Variants in SLC24A3 observed in about 807,000 individuals in gnomAD.
The protein encoded by SLC24A3 is sodium/potassium/calcium exchanger 3.
Under a neutral mutation model 75.8 loss-of-function variants are expected in SLC24A3, and 28 were observed. That is an observed-to-expected ratio of 0.37 (90% CI 0.27 to 0.51). The LOEUF is 0.51. SLC24A3 is among the 20% of genes least tolerant of loss of function. The pLI, the probability that SLC24A3 is intolerant of heterozygous loss-of-function variation, is 0.94. For synonymous variants in SLC24A3, 372 were observed against 334.1 expected, an observed-to-expected ratio of 1.11 and a Z score of -1.24; for missense variants, 663 against 847.8, an observed-to-expected ratio of 0.78 and a Z score of 2.71.
intron 6 of SLC24A3, among the ~76,000 whole-genome samples, chr20:19,614,759 A>G (rs746095684): frequency 2.0e-5 from 3 of 152,198 alleles, no homozygotes; most frequent in Non-Finnish European, 4.4e-5. Flanking sequence ...AGCTGCTGTG[A>G]CTTTGCCTCT....
At chr20:19,281,321 C>G (rs1451141491) in intron 2 of SLC24A3, among the ~76,000 whole-genome samples, 1 of 152,186 alleles carries the variant, frequency 6.6e-6, no homozygotes, top group Non-Finnish European at 1.5e-5. Flanking sequence ...AGTGACACTC[C>G]TGATGCGGTA....
chr20:19,666,114 A>G (rs919108508), intron 8 of SLC24A3, among the ~76,000 whole-genome samples: 3 of 152,024 alleles, frequency 2.0e-5, no homozygotes, highest in Non-Finnish European at 4.4e-5. Flanking sequence ...TCTATTTGAG[A>G]TCCTAATATC....
At position 19,312,965 on chromosome 20, in the gene SLC24A3, CA is replaced by C. The variant is rs1177343877; in HGVS notation, c.271+31880del. On this transcript the variant is annotated intron_variant, in intron 2 of 16. Transcript: ENST00000328041. ...ATTTACTTTGTAGCAGTGTCAGGAC[CA>C]ACAAGATGAGGGAAAACAGAAATGT... Among the ~76,000 whole-genome samples, 4 of 150,818 alleles carry C rather than the reference CA, an allele frequency of 2.7e-5. No individual in the cohort carries two copies. In the East Asian group the frequency reaches 7.9e-4, roughly 30 times the overall value.
intron 15 of SLC24A3, 120 bp downstream of exon 15, chr20:19,698,800 G>T (rs1428285885): frequency 6.7e-6 from 5 of 750,330 alleles, no homozygotes; most frequent in Non-Finnish European, 1.1e-5. Context: ...TAATATTGAG[G>T]GGGAAACAAA....
chr20:19,682,163 G>A (rs1212949688), intron 10 of SLC24A3, among the ~76,000 whole-genome samples, 172 bp downstream of exon 10: 2 of 152,218 alleles, frequency 1.3e-5, no homozygotes, highest in Non-Finnish European at 2.9e-5. Context: ...GCCGAGGCAT[G>A]AGAATCGCTT....
At chr20:19,301,960 G>A (rs748971974) in intron 2 of SLC24A3, among the ~76,000 whole-genome samples, 17 of 152,358 alleles carry the variant, frequency 1.1e-4, no homozygotes, top group Admixed American at 3.3e-4. Flanking sequence ...AAGGGACAAA[G>A]TAAAGGAACC....
chr20:19,583,749 A>C (rs1336342255), intron 4 of SLC24A3, among the ~76,000 whole-genome samples: 1 of 152,196 alleles, frequency 6.6e-6, no homozygotes, highest in Non-Finnish European at 1.5e-5. Flanking sequence ...TACCTCACTC[A>C]CAGACTCTTA....
chr20:19,684,726 A>C (rs1275058602), intron 11 of SLC24A3, among the ~76,000 whole-genome samples: 2 of 152,102 alleles, frequency 1.3e-5, no homozygotes, highest in Non-Finnish European at 2.9e-5. Context: ...CCTTTTCTGG[A>C]ATATAGCCTT....
At chr20:19,613,425 A>T (rs946308448) in intron 6 of SLC24A3, among the ~76,000 whole-genome samples, 3 of 152,138 alleles carry the variant, frequency 2.0e-5, no homozygotes, top group African/African-American at 7.2e-5. Flanking sequence ...TTTACAAGGC[A>T]CTTCTATTAT....
At chr20:19,285,907 T>A (rs1983804602) in intron 2 of SLC24A3, among the ~76,000 whole-genome samples, 1 of 152,244 alleles carries the variant, frequency 6.6e-6, no homozygotes, top group African/African-American at 2.4e-5. Flanking sequence ...TTATACACTT[T>A]GCAGTGTGTC....
intron 6 of SLC24A3, among the ~76,000 whole-genome samples, chr20:19,639,400 T>G (rs2032042266): frequency 6.6e-6 from 1 of 151,570 alleles, no homozygotes; most frequent in Non-Finnish European, 1.5e-5. Context: ...AGATACAGAG[T>G]GTCGATTGGT....
At chr20:19,325,787 TATATATATAG>T (rs1568589851) in intron 2 of SLC24A3, among the ~76,000 whole-genome samples, 98 of 95,342 alleles carry the variant, frequency 1.0e-3, no homozygotes, top group Non-Finnish European at 1.7e-3. Flanking sequence ...CATATATATA[TATATATATAG>T]AGAGAGAGAG....
intron 6 of SLC24A3, among the ~76,000 whole-genome samples, chr20:19,636,765 G>T (rs719541): frequency 0.28 from 42,228 of 152,086 alleles, 7,659 homozygotes; most frequent in Non-Finnish European, 0.4. Flanking sequence ...TATGTATAAG[G>T]CTGCTTCCTC....
At chr20:19,619,201 G>T (rs1033883748) in intron 6 of SLC24A3, among the ~76,000 whole-genome samples, 2 of 152,160 alleles carry the variant, frequency 1.3e-5, no homozygotes, top group African/African-American at 4.8e-5. Flanking sequence ...ATGGCTCCCA[G>T]GCTAGGTCAG....
intron 2 of SLC24A3, among the ~76,000 whole-genome samples, chr20:19,510,560 A>G (rs1988521085): frequency 2.0e-5 from 3 of 152,220 alleles, no homozygotes; most frequent in South Asian, 2.1e-4. Context: ...AACCCCCAAA[A>G]TGATGGTATT....
At chr20:19,461,363 A>G (rs879919034) in intron 2 of SLC24A3, among the ~76,000 whole-genome samples, 47 of 152,308 alleles carry the variant, frequency 3.1e-4, no homozygotes, top group South Asian at 1.4e-3. Context: ...ATATATACAC[A>G]CAAATATACA....
At chr20:19,618,730 A>G (rs1032216992) in intron 6 of SLC24A3, among the ~76,000 whole-genome samples, 3 of 152,230 alleles carry the variant, frequency 2.0e-5, no homozygotes, top group Admixed American at 6.5e-5. Flanking sequence ...TGTTGTAAAG[A>G]TTAAATGAGT....
chr20:19,269,887 G>A (rs1041375501), intron 1 of SLC24A3, among the ~76,000 whole-genome samples: 2 of 152,200 alleles, frequency 1.3e-5, no homozygotes, highest in Non-Finnish European at 2.9e-5. Flanking sequence ...TAGGTCTACA[G>A]AGTTATTGCA....
intron 1 of SLC24A3, among the ~76,000 whole-genome samples, chr20:19,238,139 G>C (rs1477218282): frequency 6.6e-6 from 1 of 152,146 alleles, no homozygotes; most frequent in East Asian, 1.9e-4. Context: ...AGCAGGATCT[G>C]CACCCTTGAA....
Sources: gnomAD v4.1 joint callset for allele counts (sites outside exome capture counted in the v4.1 genomes callset) on GRCh38, gnomAD v4.1.1 for gene constraint, MANE v1.5 for transcripts, NCBI Gene and HGNC (gene_info 2026-07-23, HGNC 2026-07-21) for gene names.